The following MRC1 variants were observed in gnomAD, a reference collection of about 807,000 sequenced individuals.
The protein encoded by MRC1 is macrophage mannose receptor 1.
MRC1 carries 62 observed loss-of-function variants against 102.9 expected under a neutral mutation model. The observed-to-expected ratio is 0.60, with a 90% confidence interval of 0.49 to 0.74. The LOEUF is 0.74. MRC1 is among the 30% of genes least tolerant of loss of function. The pLI, the probability that MRC1 is intolerant of heterozygous loss-of-function variation, is 0.00. For missense variants in MRC1, 1,237 were observed against 862.8 expected, an observed-to-expected ratio of 1.43 and a Z score of -5.43; for synonymous variants, 457 against 298.4, an observed-to-expected ratio of 1.53 and a Z score of -5.48.
intron 8 of MRC1, 73 bp from the exon 9 acceptor site, chr10:17,856,169 C>CAAAA (rs1243445821): frequency 3.6e-5 from 19 of 521,104 alleles, no homozygotes; most frequent in African/African-American, 7.4e-5. Flanking sequence ...GACACTGTCT[C>CAAAA]AAAAAAAAAA....
At chr10:17,863,197 T>C (rs1003269041) in intron 10 of MRC1, 46 of 273,260 alleles carry the variant, frequency 1.7e-4, no homozygotes, top group African/African-American at 8.8e-4. Flanking sequence ...TAAAACATTG[T>C]ATTTTAAAAT....
intron 10 of MRC1, chr10:17,862,945 A>T (rs1833205871): frequency 6.5e-6 from 1 of 152,882 alleles, no homozygotes; most frequent in Non-Finnish European, 1.5e-5. Context: ...AAGAATCCTA[A>T]GGGAGAGAAA....
At chr10:17,895,234 A>AAAAAT (rs1157440139) in intron 23 of MRC1, among the ~76,000 whole-genome samples, 9 of 152,080 alleles carry the variant, frequency 5.9e-5, no homozygotes, top group African/African-American at 1.9e-4. Flanking sequence ...AAACAAAAAC[A>AAAAAT]AAAATAAAAT....
chr10:17,836,973 G>T (rs1422842803), intron 4 of MRC1, among the ~76,000 whole-genome samples: 2 of 152,176 alleles, frequency 1.3e-5, no homozygotes, highest in Non-Finnish European at 2.9e-5. Flanking sequence ...TCTCTTGGAA[G>T]CCTGGGGACA....
intron 1 of MRC1, among the ~76,000 whole-genome samples, chr10:17,819,822 A>G (rs1277953597): frequency 2.6e-5 from 4 of 152,062 alleles, no homozygotes; most frequent in Non-Finnish European, 5.9e-5. Flanking sequence ...GCACAGGTCT[A>G]TAGTCCCAGC....
At chr10:17,909,189 A>G in intron 28 of MRC1, 117 bp from the exon 29 acceptor site, 1 of 701,340 alleles carries the variant, frequency 1.4e-6, no homozygotes, top group Admixed American at 2.2e-5. Context: ...ATAATATCAT[A>G]TATCAATCAA....
At chr10:17,809,775 C>A (rs1838195211) in intron 1 of MRC1, among the ~76,000 whole-genome samples, 1 of 152,170 alleles carries the variant, frequency 6.6e-6, no homozygotes, top group Non-Finnish European at 1.5e-5. Context: ...ACCCTACAGA[C>A]CTTCAGTGTC....
intron 22 of MRC1, among the ~76,000 whole-genome samples, chr10:17,891,183 T>G (rs1423810346): frequency 1.5e-5 from 2 of 132,652 alleles, no homozygotes; most frequent in Non-Finnish European, 3.3e-5. Flanking sequence ...TTATTTATTT[T>G]TGAGATGGAG....
chr10:17,811,318 C>A (rs1838217359), intron 1 of MRC1, among the ~76,000 whole-genome samples: 1 of 152,038 alleles, frequency 6.6e-6, no homozygotes, highest in Non-Finnish European at 1.5e-5. Context: ...AGACACAGTG[C>A]CTAATTTTCT....
chr10:17,840,566 G>T (rs1838735769), intron 4 of MRC1, 127 bp from the exon 5 acceptor site: 1 of 703,032 alleles, frequency 1.4e-6, no homozygotes, highest in African/African-American at 1.8e-5. Flanking sequence ...AGGAGACATG[G>T]TAGGCATGAT....
intron 17 of MRC1, among the ~76,000 whole-genome samples, chr10:17,875,541 T>G (rs1364217719): frequency 6.6e-6 from 1 of 152,148 alleles, no homozygotes; most frequent in Admixed American, 6.5e-5. Context: ...CTGAGTTACT[T>G]CCCTTAGAAT....
intron 1 of MRC1, among the ~76,000 whole-genome samples, chr10:17,816,851 T>G (rs1430577277): frequency 6.6e-6 from 1 of 152,208 alleles, no homozygotes; most frequent in Non-Finnish European, 1.5e-5. Flanking sequence ...CATATCATAC[T>G]TATCTCCCTG....
chr10:17,879,784 T>C lies in MRC1; in HGVS notation c.2682T>C (p.Asn894=). 1.3e-6 allele frequency: 1 copy of C among 780,844 alleles called. No individual in the cohort carries two copies. The highest frequency in any genetic ancestry group is 1.7e-5 in the Admixed American group (1 of 59,034). The allele number at this position is 780,844 out of a possible 1,614,324, so 48.4% of individuals were successfully genotyped here. The stretch of plus-strand genomic sequence containing the variant: ...CCACAGGTGAACCCAATTTTGCAAA[T>C]GAAGATGAAAACTGTGTGACCATGT... ...SWATGEPNFA[N]EDENCVTMYS... is the part of the protein sequence containing the mutation. The change falls in exon 19 of 30, where the codon AAT becomes AAC. Residue 894 remains asparagine (N), a synonymous_variant. Coordinates refer to ENST00000569591, the MANE Select transcript of MRC1 (RefSeq NM_002438.4).
intron 16 of MRC1, 84 bp downstream of exon 16, chr10:17,873,909 C>T: frequency 1.2e-6 from 1 of 840,144 alleles, no homozygotes; most frequent in East Asian, 2.4e-5. Context: ...ATTACTTGCC[C>T]TAGGAAGGTA....
In MRC1 at chr10:17,823,108, C is replaced by A. The variant is rs1838419817; in HGVS notation, c.96C>A (p.His32Gln). ...TRQFLIYNEDHKRCVDAVSPS... is the reference protein window; with the variant it reads ...TRQFLIYNEDQKRCVDAVSPS... ...AATTTTTAATCTATAATGAAGATCACAAGCGCTGCGTGGATGCAGTGAGTC... is the reference window on the plus strand; with the variant it reads ...AATTTTTAATCTATAATGAAGATCAAAAGCGCTGCGTGGATGCAGTGAGTC... The change falls in exon 2 of 30, where the codon CAC becomes CAA. Residue 32 changes from histidine to glutamine, a missense_variant. Transcript: ENST00000569591. 3 of 780,738 alleles carry A rather than the reference C, an allele frequency of 3.8e-6. No individual in the cohort carries two copies. The highest frequency in any genetic ancestry group is 1.7e-5 in the Admixed American group (1 of 58,996). The allele number at this position is 780,738 out of a possible 1,614,324, so 48.4% of individuals were successfully genotyped here.
At chr10:17,884,970 C>G (rs1047591653) in intron 21 of MRC1, among the ~76,000 whole-genome samples, 1 of 152,174 alleles carries the variant, frequency 6.6e-6, no homozygotes, top group Non-Finnish European at 1.5e-5. Flanking sequence ...TGTAGGCAGC[C>G]ACGACCCAGA....
At chr10:17,840,595 T>G in intron 4 of MRC1, 98 bp from the exon 5 acceptor site, 1 of 756,688 alleles carries the variant, frequency 1.3e-6, no homozygotes. Context: ...CTTCCCTCAG[T>G]GACATTTTGA....
rs1833508821 is a variant in MRC1, at chr10:17,881,106, A to G, written c.2905A>G (p.Asn969Asp). 1 of 780,678 alleles carries G rather than the reference A, an allele frequency of 1.3e-6. No homozygotes were observed. The highest frequency in any genetic ancestry group is 1.7e-5 in the African/African-American group (1 of 59,126). The allele number at this position is 780,678 out of a possible 1,614,324, so 48.4% of individuals were successfully genotyped here. Residue 969 changes from asparagine (N) to aspartate (D), a missense_variant, in exon 21 of 30, where the codon AAT (asparagine) becomes GAT (aspartate). Transcript: ENST00000569591. Reference protein sequence around the residue: ...IFGFMEEERKNWQEARKACIG... With the variant: ...IFGFMEEERKDWQEARKACIG... ...TGGATTTATGGAAGAAGAAAGAAAA[A>G]ATTGGCAAGAGGCACGAAAAGCTTG...
intron 6 of MRC1, among the ~76,000 whole-genome samples, chr10:17,848,898 G>T (rs920253824): frequency 1.6e-4 from 24 of 152,090 alleles, no homozygotes; most frequent in Non-Finnish European, 3.4e-4. Flanking sequence ...GAGACCGTTT[G>T]TCCCCCAGCC....
Sources: gnomAD v4.1 joint callset for allele counts (sites outside exome capture counted in the v4.1 genomes callset) on GRCh38, gnomAD v4.1.1 for gene constraint, MANE v1.5 for transcripts, NCBI Gene and HGNC (gene_info 2026-07-23, HGNC 2026-07-21) for gene names.